Variants in ZNF706 observed in about 807,000 individuals in gnomAD.
The protein encoded by ZNF706 is transcriptional regulator ZNF706.
A neutral mutation model predicts 9.2 loss-of-function variants in ZNF706; 4 were observed. The observed-to-expected ratio is 0.43, with a 90% CI of 0.21 to 0.99. ZNF706 has a LOEUF of 0.99. Among genes scored for constraint, ZNF706 ranks in the 50% least tolerant of loss-of-function variants. ZNF706 has a pLI of 0.26. For synonymous variants in ZNF706, 28 were observed against 27.3 expected, an observed-to-expected ratio of 1.03 and a Z score of -0.08; for missense variants, 27 against 87.8, an observed-to-expected ratio of 0.31 and a Z score of 2.77.
In ZNF706 at chr8:101,201,532, G is replaced by T; in HGVS notation, c.135+75C>A. The T allele has an allele frequency of 7.4e-7, 1 of 1,346,692 alleles. No individual in the cohort carries two copies. Among genetic ancestry groups the T allele is most frequent in the Admixed American group, 2.2e-5 (1 of 45,594 alleles). 83.4% of individuals were successfully genotyped at this position (1,346,692 alleles called of 1,614,324 possible). A position where few individuals can be genotyped will look rare whatever the true frequency, so the allele number is the denominator to read the frequency against. On this transcript the variant is annotated intron_variant, in intron 2 of 3. Transcript: ENST00000311212. The surrounding 1 kb of genome is among the most constrained non-coding windows in gnomAD (Gnocchi z 4.5). ...TCATGTAAAGCATCTATTTTGCCAT[G>T]GTTTCAAAATTTTAATCTATTCAAG...
At position 101,200,068 on chromosome 8, in the gene ZNF706, C is replaced by T. The variant is rs753069957; in HGVS notation, c.165G>A (p.Lys55=). ...RTQMPDPKTF[K]QHFESKHPKT... ...TAGGATGCTTGCTCTCAAAGTGCTGCTTGAAGGTCTTAGGGTCTGGCATTT... is the reference window on the plus strand; with the variant it reads ...TAGGATGCTTGCTCTCAAAGTGCTGTTTGAAGGTCTTAGGGTCTGGCATTT... The change falls in exon 3 of 4, where the codon AAG becomes AAA. Residue 55 remains lysine, a synonymous_variant. Transcript: ENST00000311212. 34 of 1,612,344 alleles carry T rather than the reference C, an allele frequency of 2.1e-5. No individual in the cohort carries two copies. In the Admixed American group the frequency reaches 5.2e-4, roughly 24 times the overall value.
chr8:101,204,989 C>A, intron 1 of ZNF706: 1 of 976,850 alleles, frequency 1.0e-6, no homozygotes, highest in Middle Eastern at 5.3e-4. Context: ...CCAGCTTCAG[C>A]CTGGCGCACC....
At chr8:101,199,552 T>C (rs141413249) in intron 3 of ZNF706, among the ~76,000 whole-genome samples, 274 of 152,272 alleles carry the variant, frequency 1.8e-3, no homozygotes, top group African/African-American at 5.9e-3. Flanking sequence ...TTTTGCCCTA[T>C]ATTTTAATAC....
intron 2 of ZNF706, 126 bp from the exon 3 acceptor site, chr8:101,200,223 T>G: frequency 1.5e-6 from 1 of 680,620 alleles, no homozygotes; most frequent in Non-Finnish European, 2.5e-6. Flanking sequence ...TTCCTACAAC[T>G]TAGTGACTGG....
intron 3 of ZNF706, among the ~76,000 whole-genome samples, chr8:101,199,449 G>C (rs1016701814): frequency 6.6e-6 from 1 of 151,828 alleles, no homozygotes; most frequent in African/African-American, 2.4e-5. Flanking sequence ...ACTATTTAGG[G>C]GGAAAAAATC....
At chr8:101,200,244 G>C (rs1810510464) in intron 2 of ZNF706, 147 bp from the exon 3 acceptor site, 1 of 583,050 alleles carries the variant, frequency 1.7e-6, no homozygotes, top group South Asian at 2.0e-5. Flanking sequence ...CATATGAAGA[G>C]GGACTTTGTG....
chr8:101,203,073 T>G (rs1334397037), intron 1 of ZNF706: 1 of 152,116 alleles, frequency 6.6e-6, no homozygotes, highest in African/African-American at 2.4e-5. Context: ...TTAGTTCCCA[T>G]TTGAGGGAAT....
rs1810452549 is a variant in ZNF706, at chr8:101,198,718, A to G, written c.*534T>C. On this transcript the variant is annotated 3_prime_UTR_variant, in exon 4 of 4. Transcript: ENST00000311212. ...TAACCGCAATATACTAAGGCAGCAG[A>G]TAAGTCATTTTTCACCTAGATCATC... The G allele has an allele frequency of 6.5e-6, 1 of 153,212 alleles. No homozygotes were observed. Among genetic ancestry groups the G allele is most frequent in the Non-Finnish European group, 1.5e-5 (1 of 68,530 alleles). The allele number at this position is 153,212 out of a possible 1,614,324, so 9.5% of individuals were successfully genotyped here. A position where few individuals can be genotyped will look rare whatever the true frequency, so the allele number is the denominator to read the frequency against.
upstream of ZNF706, chr8:101,205,842 G>C (rs1477602284): frequency 6.6e-6 from 1 of 152,318 alleles, no homozygotes; most frequent in Non-Finnish European, 1.5e-5. The surrounding 1 kb of genome is among the most constrained non-coding windows in gnomAD (Gnocchi z 6.6). Flanking sequence ...GCGGGCCCTG[G>C]CTGACACAAA....
intron 1 of ZNF706, chr8:101,204,225 G>C (rs530433881): frequency 6.6e-6 from 1 of 152,312 alleles, no homozygotes; most frequent in East Asian, 1.9e-4. Context: ...ACAAAGCAAT[G>C]TCATTAGACA....
rs1810549440 is a variant in ZNF706, at chr8:101,201,365, A to G, written c.135+242T>C. 2.1e-6 allele frequency: 1 copy of G among 477,756 alleles called. No individual in the cohort carries two copies. Among genetic ancestry groups the G allele is most frequent in the South Asian group, 3.3e-5 (1 of 30,386 alleles). 29.6% of individuals were successfully genotyped at this position (477,756 alleles called of 1,614,324 possible). A position where few individuals can be genotyped will look rare whatever the true frequency, so the allele number is the denominator to read the frequency against. On this transcript the variant is annotated intron_variant, in intron 2 of 3. Transcript: ENST00000311212. This position sits in a 1 kb window ranked among gnomAD's most constrained non-coding sequence, Gnocchi z 4.5. ...TATGAAGACATCTTTATTTTATATG[A>G]GGAAAGCAATTTTGTTTTGTTCACT...
rs568963233 is a variant in ZNF706 at position 101,201,985 on chromosome 8, C to G, written c.-2-242G>C. ...CAGCAATTCCACTCTTGGTATATAC[C>G]CAATAGAAATGCAAATGTTATGTAC... On this transcript the variant is annotated intron_variant, in intron 1 of 3. Coordinates refer to ENST00000311212, the MANE Select transcript of ZNF706 (RefSeq NM_016096.5). This position sits in a 1 kb window ranked among gnomAD's most constrained non-coding sequence, Gnocchi z 4.5. Among the ~76,000 whole-genome samples, 66 of 151,894 alleles carry G rather than the reference C, an allele frequency of 4.3e-4. No individual in the cohort carries two copies. Among genetic ancestry groups the G allele is most frequent in the African/African-American group, 1.5e-3 (61 of 41,412 alleles).
At position 101,205,303 on chromosome 8, in the gene ZNF706, G is replaced by C. The variant is rs1404923555; in HGVS notation, c.-3+132C>G. On this transcript the variant is annotated intron_variant, in intron 1 of 3. Transcript: ENST00000311212. This position sits in a 1 kb window ranked among gnomAD's most constrained non-coding sequence, Gnocchi z 6.6. The stretch of plus-strand genomic sequence containing the variant: ...CCCTTCCCGCGGCCCGCCCCGGGCC[G>C]GGCCCTGCCGCCCCCCGCGACCCCT... 1 of 151,114 alleles carries C rather than the reference G, an allele frequency of 6.6e-6. No individual in the cohort carries two copies. 9.4% of individuals were successfully genotyped at this position (151,114 alleles called of 1,614,324 possible). A position where few individuals can be genotyped will look rare whatever the true frequency, so the allele number is the denominator to read the frequency against.
At chr8:101,204,932 G>C in intron 1 of ZNF706, 1 of 985,530 alleles carries the variant, frequency 1.0e-6, no homozygotes, top group Non-Finnish European at 1.2e-6. Context: ...GGAGAGGAGA[G>C]GAGGAACGCA....
Position 101,199,205 on chromosome 8 carries a change from A to C in ZNF706, c.*47T>G. The C allele has an allele frequency of 1.4e-6, 1 of 701,700 alleles. No individual in the cohort carries two copies. Among genetic ancestry groups the C allele is most frequent in the Non-Finnish European group, 2.6e-6 (1 of 384,368 alleles). 43.5% of individuals were successfully genotyped at this position (701,700 alleles called of 1,614,324 possible). On this transcript the variant is annotated 3_prime_UTR_variant, in exon 4 of 4. Coordinates refer to ENST00000311212, the MANE Select transcript of ZNF706 (RefSeq NM_016096.5). ...CTGCAGGTATGTTACCTAAGGTCTGAGACAGTAGAAGAGTCAAAGGTGTCA... is the reference window on the plus strand; with the variant it reads ...CTGCAGGTATGTTACCTAAGGTCTGCGACAGTAGAAGAGTCAAAGGTGTCA...
intron 1 of ZNF706, chr8:101,202,279 A>G (rs1234517053): frequency 7.8e-6 from 1 of 128,508 alleles, no homozygotes; most frequent in Non-Finnish European, 1.6e-5. Context: ...TCTCTACTAA[A>G]AATACAAAAA....
rs1322228969 is a variant in ZNF706 at position 101,201,676 on chromosome 8, C to T, written c.66G>A (p.Lys22=). The T allele has an allele frequency of 1.2e-6, 2 of 1,613,488 alleles. No individual in the cohort carries two copies. The highest frequency in any genetic ancestry group is 2.2e-5 in the South Asian group (2 of 91,050). Residue 22 remains lysine, a synonymous_variant, in exon 2 of 4, where the codon AAG becomes AAA. Transcript: ENST00000311212. The surrounding 1 kb of genome is among the most constrained non-coding windows in gnomAD (Gnocchi z 4.5). ...CCTTTTGGTCATGTCCTTGTTTCTT[C>T]TTTTGTCCAGCTTGCTTTTTGGCAT... is the stretch of plus-strand genomic sequence containing the variant. ...QKNAKKQAGQ[K]KKQGHDQKAA... is the part of the protein sequence containing the mutation.
rs1693777743 is a variant in ZNF706 at position 101,201,290 on chromosome 8, C to CT, written c.135+316dup. 1 of 263,922 alleles carries CT rather than the reference C, an allele frequency of 3.8e-6. No individual in the cohort carries two copies. The highest frequency in any genetic ancestry group is 2.2e-5 in the African/African-American group (1 of 44,854). The allele number at this position is 263,922 out of a possible 1,614,324, so 16.3% of individuals were successfully genotyped here. A position where few individuals can be genotyped will look rare whatever the true frequency, so the allele number is the denominator to read the frequency against. On this transcript the variant is annotated intron_variant, in intron 2 of 3. Coordinates refer to ENST00000311212, the MANE Select transcript of ZNF706 (RefSeq NM_016096.5). The surrounding 1 kb of genome is among the most constrained non-coding windows in gnomAD (Gnocchi z 4.5). ...ATACTTACTAGCATATTATATAGCT[C>CT]TAAGAGTGTAGAGTTATATGATGTG...
chr8:101,200,697 A>T (rs1445510378), intron 2 of ZNF706: 2 of 152,952 alleles, frequency 1.3e-5, no homozygotes, highest in Non-Finnish European at 2.9e-5. Context: ...TAAAATTTGC[A>T]CCCTGCCTCT....
Sources: gnomAD v4.1 joint callset for allele counts (sites outside exome capture counted in the v4.1 genomes callset) on GRCh38, gnomAD v4.1.1 for gene constraint, Gnocchi (gnomAD v3.1) non-coding constraint, MANE v1.5 for transcripts, NCBI Gene and HGNC (gene_info 2026-07-23, HGNC 2026-07-21) for gene names.